PREX1: variants seen among roughly 807,000 people sequenced by gnomAD.
The protein encoded by PREX1 is phosphatidylinositol-3,4,5-trisphosphate dependent Rac exchange factor 1.
PREX1 carries 41 observed loss-of-function variants against 198.3 expected under a neutral mutation model. The ratio of observed to expected loss-of-function variants is 0.21; its 90% confidence interval spans 0.16 to 0.27. The LOEUF is 0.27. Among genes scored for constraint, PREX1 ranks in the 10% least tolerant of loss-of-function variants. The pLI, the probability that PREX1 is intolerant of heterozygous loss-of-function variation, is 1.00. For synonymous variants in PREX1, 843 were observed against 887.2 expected, an observed-to-expected ratio of 0.95 and a Z score of 0.89; for missense variants, 1,620 against 2,200.7, an observed-to-expected ratio of 0.74 and a Z score of 5.28.
chr20:48,674,027 AC>A (rs2089693216), intron 14 of PREX1, among the ~76,000 whole-genome samples: 2 of 152,140 alleles, frequency 1.3e-5, no homozygotes, highest in African/African-American at 4.8e-5. Flanking sequence ...ACTTGAACCC[AC>A]GTCTGTCTGG....
intron 19 of PREX1, 41 bp from the exon 20 acceptor site, chr20:48,653,538 G>C (rs1156820252): frequency 2.5e-6 from 4 of 1,583,856 alleles, no homozygotes; most frequent in Non-Finnish European, 3.4e-6. Context: ...TGCCAGGCAA[G>C]TACAAGCAGC....
intron 4 of PREX1, among the ~76,000 whole-genome samples, chr20:48,731,008 C>T (rs2090032651): frequency 6.6e-6 from 1 of 152,028 alleles, no homozygotes; most frequent in East Asian, 1.9e-4. Flanking sequence ...AAAGCAAAAA[C>T]AAAACAAAAC....
At chr20:48,702,666 C>T (rs1403252065) in intron 6 of PREX1, among the ~76,000 whole-genome samples, 1 of 152,216 alleles carries the variant, frequency 6.6e-6, no homozygotes, top group Non-Finnish European at 1.5e-5. Flanking sequence ...GATGGTGGGG[C>T]AAGGAGCTGG....
intron 25 of PREX1, among the ~76,000 whole-genome samples, chr20:48,646,283 G>A (rs1471497412): frequency 1.3e-5 from 2 of 152,242 alleles, no homozygotes; most frequent in African/African-American, 4.8e-5. Context: ...TCAATAGGCT[G>A]TAGGGTCTCA....
chr20:48,708,195 T>G, intron 6 of PREX1, 65 bp downstream of exon 6: 1 of 1,558,572 alleles, frequency 6.4e-7, no homozygotes, highest in Non-Finnish European at 8.8e-7. Flanking sequence ...CCTCAGTTCA[T>G]GACTGCACCT....
chr20:48,727,440 G>A (rs113244836), intron 4 of PREX1, among the ~76,000 whole-genome samples: 7,156 of 152,018 alleles, frequency 0.047, 346 homozygotes, highest in African/African-American at 0.12. Context: ...TCTCTGGAAT[G>A]TATTCTCTTC....
intron 1 of PREX1, among the ~76,000 whole-genome samples, chr20:48,767,685 C>T (rs1262541560): frequency 6.6e-6 from 1 of 152,194 alleles, no homozygotes; most frequent in Non-Finnish European, 1.5e-5. Context: ...GACATTTCCC[C>T]AGAGTCGTGT....
intron 6 of PREX1, among the ~76,000 whole-genome samples, chr20:48,701,273 G>A (rs2089872432): frequency 6.6e-6 from 1 of 152,110 alleles, no homozygotes; most frequent in Admixed American, 6.5e-5. Context: ...GTGCAATGGC[G>A]CGATCTCGGC....
chr20:48,654,049 A>G (rs1005010425), intron 19 of PREX1, among the ~76,000 whole-genome samples: 5 of 152,218 alleles, frequency 3.3e-5, no homozygotes, highest in East Asian at 3.8e-4. Context: ...GGGCAATACC[A>G]GGCCTGAATG....
chr20:48,802,090 CTGTTA>C (rs2090389885), intron 1 of PREX1, among the ~76,000 whole-genome samples: 1 of 152,172 alleles, frequency 6.6e-6, no homozygotes, highest in Non-Finnish European at 1.5e-5. Flanking sequence ...TTCAGGCGTT[CTGTTA>C]TAAGCAGCAG....
intron 1 of PREX1, among the ~76,000 whole-genome samples, chr20:48,785,858 G>A (rs575297043): frequency 1.5e-4 from 23 of 152,312 alleles, no homozygotes; most frequent in East Asian, 9.6e-4. Context: ...TGTGGCAGGC[G>A]GTGGAGACGG....
chr20:48,781,576 A>G (rs2090289897), intron 1 of PREX1, among the ~76,000 whole-genome samples: 3 of 152,180 alleles, frequency 2.0e-5, no homozygotes, highest in South Asian at 4.1e-4. Context: ...GGTGCAGAGA[A>G]GAGTCCCCAA....
intron 27 of PREX1, among the ~76,000 whole-genome samples, chr20:48,643,070 G>A (rs1455509556): frequency 1.3e-5 from 2 of 152,186 alleles, no homozygotes; most frequent in African/African-American, 2.4e-5. Flanking sequence ...AGGGTGGGGG[G>A]GAGACTTGTC....
rs376860768 is a variant in PREX1, at chr20:48,773,248, T to C, written c.220-25368A>G. Among the ~76,000 whole-genome samples, 71 of 116,018 alleles carry C rather than the reference T, an allele frequency of 6.1e-4. 1 individual carries two copies. The highest frequency in any genetic ancestry group is 2.4e-3 in the African/African-American group (68 of 28,760). The allele number at this position is 116,018 out of a possible 152,430, so 76.1% of individuals were successfully genotyped here. Reference sequence around the variant, plus strand: ...CGCCACTGCACTCCAGCCTGAGTGATAGAGTGAGACTTGGTCTCAAAAAAA... The same window carrying C: ...CGCCACTGCACTCCAGCCTGAGTGACAGAGTGAGACTTGGTCTCAAAAAAA... On this transcript the variant is annotated intron_variant, in intron 1 of 39. Coordinates refer to ENST00000371941, the MANE Select transcript of PREX1 (RefSeq NM_020820.4).
chr20:48,649,622 T>C, intron 24 of PREX1, 46 bp from the exon 25 acceptor site: 1 of 1,533,400 alleles, frequency 6.5e-7, no homozygotes, highest in African/African-American at 1.4e-5. Context: ...GCCCCCAGCA[T>C]CCACTGGGCC....
the PREX1 span, among the ~76,000 whole-genome samples, chr20:48,858,821 T>C: frequency 6.6e-6 from 1 of 152,270 alleles, no homozygotes; most frequent in East Asian, 1.9e-4. Context: ...TTAACAATAA[T>C]AATTCACTTT....
At chr20:48,722,886 C>T (rs2089992302) in intron 5 of PREX1, among the ~76,000 whole-genome samples, 2 of 152,242 alleles carry the variant, frequency 1.3e-5, no homozygotes, top group African/African-American at 4.8e-5. Flanking sequence ...CAGTGAGCAG[C>T]GACACAGATG....
At chr20:48,855,422 A>G in the PREX1 span, among the ~76,000 whole-genome samples, 1 of 152,214 alleles carries the variant, frequency 6.6e-6, no homozygotes, top group East Asian at 1.9e-4. Context: ...GACAGATGAA[A>G]TTCCTCTTTC....
rs2089419743 is a variant in PREX1, at chr20:48,642,229, C to T, written c.3714G>A (p.Gly1238=). 4 of 1,614,084 alleles carry T rather than the reference C, an allele frequency of 2.5e-6. No homozygotes were observed. The highest frequency in any genetic ancestry group is 3.3e-5 in the Admixed American group (2 of 60,008). The part of the protein sequence containing the change: ...QVDSINALLK[G]PVMSRAFEET... Reference sequence around the variant, plus strand: ...CTTCGAAAGCCCGGCTCATGACTGGCCCCTTGAGGAGAGCATTGATGGAGT... The same window carrying T: ...CTTCGAAAGCCCGGCTCATGACTGGTCCCTTGAGGAGAGCATTGATGGAGT... The change falls in exon 29 of 40, where the codon GGG becomes GGA. Residue 1238 remains glycine, a synonymous_variant. Coordinates refer to ENST00000371941, the MANE Select transcript of PREX1 (RefSeq NM_020820.4).
Sources: gnomAD v4.1 joint callset for allele counts (sites outside exome capture counted in the v4.1 genomes callset) on GRCh38, gnomAD v4.1.1 for gene constraint, MANE v1.5 for transcripts, NCBI Gene and HGNC (gene_info 2026-07-23, HGNC 2026-07-21) for gene names.